Variants in TTLL5 observed in about 807,000 individuals in gnomAD.
TTLL5 encodes the protein tubulin tyrosine ligase like 5, also known as tubulin polyglutamylase TTLL5.
A neutral mutation model predicts 168.4 loss-of-function variants in TTLL5; 132 were observed. That is an observed-to-expected ratio of 0.78 (90% CI 0.68 to 0.91). TTLL5 has a LOEUF of 0.91. Ranked by LOEUF, TTLL5 falls within the 40% of genes least tolerant of loss-of-function variation. The probability of loss-of-function intolerance (pLI) is 0.00; values close to 1 mark genes in which losing one functional copy is unlikely to be tolerated. For missense variants in TTLL5, 1,545 were observed against 1,581.5 expected (o/e 0.98, Z 0.39); for synonymous variants, 546 against 558.6 (o/e 0.98, Z 0.32).
intron 12 of TTLL5, 128 bp from the exon 13 acceptor site, chr14:75,732,210 A>G: frequency 1.6e-6 from 1 of 625,440 alleles, no homozygotes; most frequent in Middle Eastern, 2.7e-4. Flanking sequence ...CTCTGCTTCT[A>G]CTTCCACTTG....
intron 31 of TTLL5, among the ~76,000 whole-genome samples, chr14:75,927,103 T>C (rs2034098270): frequency 6.6e-6 from 1 of 152,188 alleles, no homozygotes; most frequent in Non-Finnish European, 1.5e-5. Context: ...TGTGTTTTTG[T>C]TTTTGTTTTA....
At chr14:75,788,931 G>C (rs2140342597) in intron 26 of TTLL5, among the ~76,000 whole-genome samples, 1 of 152,278 alleles carries the variant, frequency 6.6e-6, no homozygotes, top group Admixed American at 6.5e-5. Context: ...AGGAATGTAA[G>C]AGGGGTTTAA....
intron 31 of TTLL5, among the ~76,000 whole-genome samples, chr14:75,903,367 G>C (rs576603574): frequency 2.0e-5 from 3 of 151,982 alleles, no homozygotes; most frequent in Non-Finnish European, 4.4e-5. Flanking sequence ...AGACCGGGGG[G>C]AAGTGAAAAC....
intron 31 of TTLL5, among the ~76,000 whole-genome samples, chr14:75,910,648 A>G (rs988187092): frequency 4.6e-5 from 7 of 152,248 alleles, no homozygotes; most frequent in African/African-American, 1.7e-4. Flanking sequence ...CAAGCTTTCC[A>G]CACGGAAATA....
intron 27 of TTLL5, among the ~76,000 whole-genome samples, chr14:75,806,323 G>T (rs1893650249): frequency 6.6e-6 from 1 of 152,188 alleles, no homozygotes; most frequent in South Asian, 2.1e-4. Flanking sequence ...GAGCCACTGT[G>T]CCCGGCCATA....
chr14:75,828,955 AGT>A (rs1895397002), intron 28 of TTLL5, among the ~76,000 whole-genome samples: 1 of 152,248 alleles, frequency 6.6e-6, no homozygotes, highest in South Asian at 2.1e-4. Context: ...ATATCTCCTC[AGT>A]GTGAGAGACT....
chr14:75,704,400 A>T (rs1594897356), intron 7 of TTLL5, among the ~76,000 whole-genome samples: 1 of 152,090 alleles, frequency 6.6e-6, no homozygotes, highest in African/African-American at 2.4e-5. Flanking sequence ...TTAGCTGGGT[A>T]TGGTGGTACG....
chr14:75,948,441 C>T (rs6574263), intron 31 of TTLL5, among the ~76,000 whole-genome samples: 2,343 of 151,640 alleles, frequency 0.015, 55 homozygotes, highest in African/African-American at 0.052. Context: ...GCCAAGACCG[C>T]GCCATTGCAC....
At chr14:75,678,574 T>A (rs561676922) in intron 3 of TTLL5, among the ~76,000 whole-genome samples, 1 of 152,034 alleles carries the variant, frequency 6.6e-6, no homozygotes, top group Non-Finnish European at 1.5e-5. Context: ...TTCCTAGACT[T>A]TTTTTTTGTC....
chr14:75,741,632 T>A (rs372716377), intron 15 of TTLL5, among the ~76,000 whole-genome samples: 3 of 152,110 alleles, frequency 2.0e-5, no homozygotes, highest in African/African-American at 7.2e-5. Context: ...TCCTTTCTTC[T>A]TCCCTTCTCT....
chr14:75,816,531 T>C (rs1360584762), intron 27 of TTLL5, among the ~76,000 whole-genome samples: 1 of 152,188 alleles, frequency 6.6e-6, no homozygotes, highest in East Asian at 1.9e-4. Context: ...AAAGGATAGG[T>C]TTACTAAATC....
chr14:75,894,678 T>C (rs1291051845), intron 30 of TTLL5, among the ~76,000 whole-genome samples: 1 of 152,132 alleles, frequency 6.6e-6, no homozygotes, highest in Non-Finnish European at 1.5e-5. Context: ...AAAAAAGAGA[T>C]GATCAAATTG....
intron 12 of TTLL5, among the ~76,000 whole-genome samples, chr14:75,728,674 T>TACC (rs1888341367): frequency 6.6e-6 from 1 of 150,868 alleles, no homozygotes; most frequent in African/African-American, 2.4e-5. Context: ...ATTTGAATAT[T>TACC]ATCATCATCA....
chr14:75,851,040 T>A (rs1896821345), intron 28 of TTLL5, among the ~76,000 whole-genome samples: 1 of 137,260 alleles, frequency 7.3e-6, no homozygotes, highest in African/African-American at 2.8e-5. Flanking sequence ...GAGGTTGCAG[T>A]GAGCCACGAT....
At chr14:75,773,953 G>GAGAGAGAA (rs1566598121) in intron 21 of TTLL5, among the ~76,000 whole-genome samples, 11 of 37,652 alleles carry the variant, frequency 2.9e-4, no homozygotes, top group African/African-American at 7.6e-4. Flanking sequence ...GAGAGAGAGA[G>GAGAGAGAA]AGAAAGAGAG....
intron 5 of TTLL5, among the ~76,000 whole-genome samples, chr14:75,688,649 C>G (rs748725911): frequency 2.0e-5 from 3 of 152,084 alleles, no homozygotes; most frequent in Non-Finnish European, 4.4e-5. Flanking sequence ...ACTGAGCCTT[C>G]AACTTATGGG....
At chr14:75,925,141 A>AC (rs1319339606) in intron 31 of TTLL5, among the ~76,000 whole-genome samples, 5 of 115,902 alleles carry the variant, frequency 4.3e-5, no homozygotes, top group South Asian at 3.0e-4. Context: ...CGGGTGGCTG[A>AC]CCCCCCCACC....
intron 28 of TTLL5, among the ~76,000 whole-genome samples, chr14:75,825,973 A>C (rs911390036): frequency 1.1e-4 from 16 of 151,814 alleles, no homozygotes; most frequent in African/African-American, 3.9e-4. Context: ...GAGAGAGCTG[A>C]GTGCTGTCAG....
chr14:75,831,285 C>G (rs117853679), intron 28 of TTLL5, among the ~76,000 whole-genome samples: 3,335 of 152,268 alleles, frequency 0.022, 44 homozygotes, highest in Middle Eastern at 0.041. Context: ...ACTACAGATG[C>G]TGTTCTTGAA....
Sources: allele counts gnomAD v4.1 joint callset (sites outside exome capture counted in the v4.1 genomes callset), GRCh38; gene constraint gnomAD v4.1.1; transcripts MANE v1.5; gene names NCBI Gene and HGNC (gene_info 2026-07-23, HGNC 2026-07-21).